UBE2H: variants seen among roughly 807,000 people sequenced by gnomAD.
The protein encoded by UBE2H is ubiquitin-conjugating enzyme E2 H.
A neutral mutation model predicts 29.0 loss-of-function variants in UBE2H; 3 were observed. The ratio of observed to expected loss-of-function variants is 0.10; its 90% CI spans 0.05 to 0.27. The LOEUF is 0.27. UBE2H is among the 10% of genes least tolerant of loss of function. The probability of loss-of-function intolerance (pLI) is 1.00; values close to 1 mark genes in which losing one functional copy is unlikely to be tolerated. For synonymous variants in UBE2H, 69 were observed against 82.9 expected (o/e 0.83, Z 0.91); for missense variants, 68 against 228.2 (o/e 0.30, Z 4.52).
intron 1 of UBE2H, among the ~76,000 whole-genome samples, chr7:129,950,935 CTATACTT>C (rs1486305950): frequency 6.6e-6 from 1 of 152,176 alleles, no homozygotes; most frequent in African/African-American, 2.4e-5. Flanking sequence ...ATTGGGTACA[CTATACTT>C]TATTAGTTGC....
chr7:129,850,916 GAAAAGAGAAGA>G (rs1805598259), intron 5 of UBE2H, among the ~76,000 whole-genome samples: 1 of 151,074 alleles, frequency 6.6e-6, no homozygotes, highest in East Asian at 2.0e-4. Flanking sequence ...AGAAAGAAGA[GAAAAGAGAAGA>G]GAAAAGATAG....
At chr7:129,922,607 T>A (rs1200462903) in intron 1 of UBE2H, among the ~76,000 whole-genome samples, 1 of 152,206 alleles carries the variant, frequency 6.6e-6, no homozygotes, top group Non-Finnish European at 1.5e-5. Flanking sequence ...AGATGCATGT[T>A]AAAGTATTTA....
chr7:129,937,434 T>C (rs1366441242), intron 1 of UBE2H, among the ~76,000 whole-genome samples: 1 of 152,266 alleles, frequency 6.6e-6, no homozygotes, highest in East Asian at 1.9e-4. Flanking sequence ...TCATGGTTTA[T>C]ATGTTATATA....
intron 1 of UBE2H, among the ~76,000 whole-genome samples, chr7:129,929,073 C>T (rs920227301): frequency 3.9e-5 from 6 of 152,208 alleles, no homozygotes; most frequent in African/African-American, 1.4e-4. Context: ...AATCCCAGCA[C>T]TTTGGGAGGC....
intron 5 of UBE2H, among the ~76,000 whole-genome samples, chr7:129,844,744 T>C (rs1805483546): frequency 6.6e-6 from 1 of 152,228 alleles, no homozygotes; most frequent in South Asian, 2.1e-4. Context: ...TGTGGTTCAT[T>C]AGCACTGACT....
At chr7:129,926,575 G>A (rs1229582563) in intron 1 of UBE2H, among the ~76,000 whole-genome samples, 3 of 151,608 alleles carry the variant, frequency 2.0e-5, no homozygotes, top group East Asian at 1.9e-4. Flanking sequence ...CTCCTGAGTC[G>A]CTGAAATTAC....
Position 129,834,053 on chromosome 7 carries a change from T to A in UBE2H, c.*884A>T, listed in dbSNP as rs532158713. 2 of 152,152 alleles carry A rather than the reference T, an allele frequency of 1.3e-5. No individual in the cohort carries two copies. The highest frequency in any genetic ancestry group is 4.2e-4 in the South Asian group (2 of 4,816). 9.4% of individuals were successfully genotyped at this position (152,152 alleles called of 1,614,324 possible). A position where few individuals can be genotyped will look rare whatever the true frequency, so the allele number is the denominator to read the frequency against. On this transcript the variant is annotated 3_prime_UTR_variant, in exon 7 of 7. Coordinates refer to ENST00000355621, the MANE Select transcript of UBE2H (RefSeq NM_003344.4). ...AACCCCCCCAGAAACACAACCCTCATATTTAAAGCTCTTAAGTTCAGGGTA... is the reference window on the plus strand; with the variant it reads ...AACCCCCCCAGAAACACAACCCTCAAATTTAAAGCTCTTAAGTTCAGGGTA...
intron 1 of UBE2H, among the ~76,000 whole-genome samples, chr7:129,910,633 G>A (rs1806916093): frequency 6.6e-6 from 1 of 152,120 alleles, no homozygotes; most frequent in South Asian, 2.1e-4. Flanking sequence ...TGTAATCCCA[G>A]CACTTTGGAA....
intron 1 of UBE2H, among the ~76,000 whole-genome samples, chr7:129,916,124 G>A (rs1365840663): frequency 1.3e-5 from 2 of 152,088 alleles, no homozygotes; most frequent in South Asian, 2.1e-4. Flanking sequence ...TTCGTCAAAT[G>A]ACTTCAGCTT....
intron 5 of UBE2H, chr7:129,839,705 G>T (rs946629717): frequency 1.6e-5 from 4 of 242,470 alleles, no homozygotes; most frequent in African/African-American, 2.4e-5. Flanking sequence ...TTTTTGTGGG[G>T]TTTTTTTGTT....
chr7:129,891,745 G>C (rs946497278), intron 1 of UBE2H, among the ~76,000 whole-genome samples: 1 of 151,014 alleles, frequency 6.6e-6, no homozygotes, highest in African/African-American at 2.4e-5. Flanking sequence ...AGATTGCAGT[G>C]AGCCGAGATC....
intron 1 of UBE2H, chr7:129,949,029 A>C (rs1241695338): frequency 8.8e-6 from 4 of 456,730 alleles, no homozygotes; most frequent in Admixed American, 2.3e-5. Context: ...ATGAGCGCTG[A>C]GGAGCGGTGC....
chr7:129,915,726 C>CAAAGCA (rs1807030934), intron 1 of UBE2H, among the ~76,000 whole-genome samples: 1 of 152,118 alleles, frequency 6.6e-6, no homozygotes, highest in Non-Finnish European at 1.5e-5. Flanking sequence ...TACCTGTGGC[C>CAAAGCA]AAAGCAAAAG....
chr7:129,869,878 G>A (rs935157647), intron 3 of UBE2H, among the ~76,000 whole-genome samples: 4 of 152,090 alleles, frequency 2.6e-5, no homozygotes, highest in African/African-American at 9.7e-5. Context: ...CTTGGACTCA[G>A]CATCACCTAC....
At chr7:129,893,655 T>C (rs1806544694) in intron 1 of UBE2H, among the ~76,000 whole-genome samples, 1 of 152,244 alleles carries the variant, frequency 6.6e-6, no homozygotes, top group Admixed American at 6.5e-5. Flanking sequence ...CACTTTAAAA[T>C]ATTTAGAAGC....
chr7:129,924,451 C>A (rs1032069332), intron 1 of UBE2H, among the ~76,000 whole-genome samples: 1 of 152,034 alleles, frequency 6.6e-6, no homozygotes, highest in African/African-American at 2.4e-5. Flanking sequence ...AAAATTCATA[C>A]CAAGAAGGTA....
chr7:129,873,906 C>T (rs1806094055), intron 3 of UBE2H, among the ~76,000 whole-genome samples: 1 of 152,150 alleles, frequency 6.6e-6, no homozygotes, highest in Admixed American at 6.6e-5. Context: ...TGCATACAGC[C>T]TGCTCCTAGT....
intron 1 of UBE2H, among the ~76,000 whole-genome samples, chr7:129,907,937 T>C (rs1053688476): frequency 2.3e-4 from 35 of 152,156 alleles, no homozygotes; most frequent in African/African-American, 6.8e-4. Context: ...ACACATTTTT[T>C]CCCAACTTCA....
intron 6 of UBE2H, among the ~76,000 whole-genome samples, chr7:129,837,606 T>C (rs1805354094): frequency 1.2e-5 from 1 of 81,626 alleles, no homozygotes; most frequent in Non-Finnish European, 2.4e-5. Flanking sequence ...GAAGACTGCA[T>C]TGGGAGGGGG....
Sources: allele counts gnomAD v4.1 joint callset (sites outside exome capture counted in the v4.1 genomes callset), GRCh38; gene constraint gnomAD v4.1.1; transcripts MANE v1.5; gene names NCBI Gene and HGNC (gene_info 2026-07-23, HGNC 2026-07-21).